The following NAV2 variants were observed in gnomAD, a reference collection of about 807,000 sequenced individuals.
NAV2 encodes helicase, APC down-regulated 1.
A neutral mutation model predicts 223.2 loss-of-function variants in NAV2; 54 were observed. That is an observed-to-expected ratio of 0.24 (90% CI 0.19 to 0.30). NAV2 has a LOEUF of 0.30. NAV2 is among the 10% of genes least tolerant of loss of function. The pLI, the probability that NAV2 is intolerant of heterozygous loss-of-function variation, is 1.00. For missense variants in NAV2, 2,806 were observed against 3,147.5 expected (o/e 0.89, Z 2.60); for synonymous variants, 1,279 against 1,239.3 (o/e 1.03, Z -0.67).
intron 22 of NAV2, among the ~76,000 whole-genome samples, chr11:20,070,402 G>A (rs559750777): frequency 3.3e-4 from 50 of 152,218 alleles, no homozygotes; most frequent in South Asian, 1.2e-3. Context: ...CTTACTTTCC[G>A]GTGAACTTGG....
chr11:19,574,892 A>T (rs2045527786), intron 1 of NAV2, among the ~76,000 whole-genome samples: 1 of 152,218 alleles, frequency 6.6e-6, no homozygotes, highest in Admixed American at 6.5e-5. Context: ...GCAGGACTTG[A>T]AAGATCAGAA....
chr11:19,456,903 C>T (rs1851977318), intron 1 of NAV2, among the ~76,000 whole-genome samples: 2 of 152,164 alleles, frequency 1.3e-5, no homozygotes, highest in South Asian at 4.1e-4. Flanking sequence ...AGGAGATGAA[C>T]CCAAATCCCT....
chr11:19,482,259 A>G (rs2042303093), intron 1 of NAV2, among the ~76,000 whole-genome samples: 1 of 152,172 alleles, frequency 6.6e-6, no homozygotes, highest in Non-Finnish European at 1.5e-5. Context: ...ACAAAAAGGA[A>G]GACATCAGCT....
intron 29 of NAV2, 118 bp downstream of exon 29, chr11:20,093,317 A>G: frequency 1.4e-6 from 1 of 693,972 alleles, no homozygotes; most frequent in Non-Finnish European, 2.6e-6. Flanking sequence ...TGGAAATACT[A>G]CTAACCCTTC....
chr11:19,707,407 C>T (rs2049698052), intron 1 of NAV2, among the ~76,000 whole-genome samples: 1 of 151,846 alleles, frequency 6.6e-6, no homozygotes. Context: ...ATTTTTTTAA[C>T]TTTTTCAACT....
intron 1 of NAV2, among the ~76,000 whole-genome samples, chr11:19,501,557 C>A (rs148127807): frequency 2.5e-4 from 38 of 152,114 alleles, no homozygotes; most frequent in Admixed American, 1.4e-3. Flanking sequence ...GAGGCAGAGT[C>A]GCCTTTGAGT....
At chr11:19,596,995 C>A (rs1230214643) in intron 1 of NAV2, among the ~76,000 whole-genome samples, 1 of 152,186 alleles carries the variant, frequency 6.6e-6, no homozygotes, top group Non-Finnish European at 1.5e-5. Flanking sequence ...ACCTAGCTGG[C>A]CCCCCTGACT....
At chr11:19,696,205 G>A (rs1024473331) in intron 1 of NAV2, among the ~76,000 whole-genome samples, 3 of 152,134 alleles carry the variant, frequency 2.0e-5, no homozygotes, top group Non-Finnish European at 2.9e-5. Flanking sequence ...TGCCACCAAC[G>A]CCATTGTGCT....
intron 1 of NAV2, among the ~76,000 whole-genome samples, chr11:19,479,222 G>T (rs2042208948): frequency 6.6e-6 from 1 of 152,108 alleles, no homozygotes; most frequent in Non-Finnish European, 1.5e-5. Flanking sequence ...ATGAGAGTCT[G>T]GAAGCTCCAC....
At position 19,999,357 on chromosome 11, in the gene NAV2, T is replaced by C. The variant is rs189501365; in HGVS notation, c.2768+15110T>C. On this transcript the variant is annotated intron_variant, in intron 11 of 37. Coordinates refer to ENST00000349880, the MANE Select transcript of NAV2 (RefSeq NM_145117.5). ...GACTGACTGGTTTAACCCAGTCTATTATTGCTTTGGGAAAATGTGGGGTTT... is the reference window on the plus strand; with the variant it reads ...GACTGACTGGTTTAACCCAGTCTATCATTGCTTTGGGAAAATGTGGGGTTT... Among the ~76,000 whole-genome samples the C allele has an allele frequency of 1.2e-4, 19 of 152,350 alleles. 1 individual carries two copies. The highest frequency in any genetic ancestry group is 8.3e-4 in the South Asian group (4 of 4,826).
At position 19,795,435 on chromosome 11, in the gene NAV2, A is replaced by G. The variant is rs114264054; in HGVS notation, c.268-37049A>G. On this transcript the variant is annotated intron_variant, in intron 1 of 37. Transcript: ENST00000349880. ...CTACCTAATCTGTATAAATTTAAATAAAGAGGAAACAAAATATTCTAATGG... is the reference window on the plus strand; with the variant it reads ...CTACCTAATCTGTATAAATTTAAATGAAGAGGAAACAAAATATTCTAATGG... 4.4e-3 allele frequency among the ~76,000 whole-genome samples: 667 copies of G among 152,354 alleles called. 5 individuals carry two copies. Among genetic ancestry groups the G allele is most frequent in the African/African-American group, 0.015 (634 of 41,568 alleles).
At chr11:19,843,029 G>T in intron 3 of NAV2, 106 bp downstream of exon 3, 1 of 875,540 alleles carries the variant, frequency 1.1e-6, no homozygotes, top group Non-Finnish European at 1.8e-6. Flanking sequence ...TTACTCCAGG[G>T]GATTATATTA....
At position 20,007,131 on chromosome 11, in the gene NAV2, A is replaced by G. The variant is rs527415037; in HGVS notation, c.2768+22884A>G. ...ACCACCATGCCCGGCTAATTTTTGTATTTTTTGTAGAGACAGGGTTTCACC... is the reference window on the plus strand; with the variant it reads ...ACCACCATGCCCGGCTAATTTTTGTGTTTTTTGTAGAGACAGGGTTTCACC... On this transcript the variant is annotated intron_variant, in intron 11 of 37. Coordinates refer to ENST00000349880, the MANE Select transcript of NAV2 (RefSeq NM_145117.5). 4.3e-3 allele frequency among the ~76,000 whole-genome samples: 652 copies of G among 152,082 alleles called. 3 individuals are homozygous for G. The highest frequency in any genetic ancestry group is 0.015 in the African/African-American group (629 of 41,494).
At chr11:19,391,072 G>T (rs1040699965) in intron 1 of NAV2, among the ~76,000 whole-genome samples, 5 of 151,992 alleles carry the variant, frequency 3.3e-5, no homozygotes, top group Admixed American at 2.6e-4. Flanking sequence ...AGTAAATGAG[G>T]GGCCCAGCAT....
chr11:19,548,260 G>A (rs1315285662), intron 1 of NAV2, among the ~76,000 whole-genome samples: 5 of 152,214 alleles, frequency 3.3e-5, no homozygotes, highest in African/African-American at 4.8e-5. Context: ...CAGCAAAGAT[G>A]TGAGTAGTCA....
Position 19,984,465 on chromosome 11 carries a change from T to C in NAV2, c.2768+218T>C, listed in dbSNP as rs537909844. On this transcript the variant is annotated intron_variant, in intron 11 of 37. Transcript: ENST00000349880. The stretch of plus-strand genomic sequence containing the variant: ...CTGCTTCTGTGTAGGGTGGTGCTTC[T>C]GACAGCAGTAACACAGGGAGTTCAG... Among the ~76,000 whole-genome samples the C allele has an allele frequency of 7.2e-4, 110 of 152,304 alleles. 1 individual carries two copies. The highest frequency in any genetic ancestry group is 1.5e-3 in the South Asian group (7 of 4,824).
At chr11:19,857,503 A>G (rs1322369272) in intron 3 of NAV2, among the ~76,000 whole-genome samples, 3 of 152,214 alleles carry the variant, frequency 2.0e-5, no homozygotes, top group Admixed American at 6.5e-5. Context: ...CTGCCCATTG[A>G]ATAGGACTGA....
At position 19,948,819 on chromosome 11, in the gene NAV2, G is replaced by A; in HGVS notation, c.2384G>A (p.Gly795Glu). The A allele has an allele frequency of 6.2e-7, 1 of 1,613,962 alleles. No homozygotes were observed. The highest frequency in any genetic ancestry group is 8.5e-7 in the Non-Finnish European group (1 of 1,180,000). Residue 795 changes from glycine (G) to glutamate (E), a missense_variant, in exon 10 of 38, where the codon GGA becomes GAA. Transcript: ENST00000349880. The part of the protein sequence containing the change: ...LGQSSPRLQA[G>E]DAPSMGNGYP... ...CAGTCCAGCCCTCGGCTCCAAGCAG[G>A]AGACGCCCCCTCAATGGGCAATGGG...
intron 1 of NAV2, among the ~76,000 whole-genome samples, chr11:19,582,964 A>G (rs1251489634): frequency 6.6e-6 from 1 of 152,188 alleles, no homozygotes; most frequent in Non-Finnish European, 1.5e-5. Context: ...AAATTACCTT[A>G]GGCAGTATGG....
Sources: allele counts gnomAD v4.1 joint callset (sites outside exome capture counted in the v4.1 genomes callset), GRCh38; gene constraint gnomAD v4.1.1; transcripts MANE v1.5; gene names NCBI Gene and HGNC (gene_info 2026-07-23, HGNC 2026-07-21).